The following ARL15 variants were observed in gnomAD, a reference collection of about 807,000 sequenced individuals.
ARL15 encodes ARF like GTPase 15.
A neutral mutation model predicts 25.2 loss-of-function variants in ARL15; 19 were observed. The ratio of observed to expected loss-of-function variants is 0.75; its 90% CI spans 0.53 to 1.10. The LOEUF (loss-of-function observed/expected upper bound fraction) is 1.10, where lower values mean the gene tolerates loss of function less well. ARL15 is among the 50% of genes least tolerant of loss of function. The pLI is 0.00. For synonymous variants in ARL15, 94 were observed against 86.8 expected (o/e 1.08, Z -0.46); for missense variants, 220 against 246.0 (o/e 0.89, Z 0.71).
intron 4 of ARL15, among the ~76,000 whole-genome samples, chr5:53,986,604 C>T (rs1251370818): frequency 6.6e-6 from 1 of 152,184 alleles, no homozygotes; most frequent in African/African-American, 2.4e-5. Context: ...TTGGCAAACA[C>T]TGAAGAATCA....
rs1209013538 is a variant in ARL15, at chr5:54,193,818, G to A, written c.49-21890C>T. Among the ~76,000 whole-genome samples, 3 of 150,030 alleles carry A rather than the reference G, an allele frequency of 2.0e-5. No homozygotes were observed. In the South Asian group the frequency reaches 6.3e-4, roughly 32 times the overall value. ...CTCAATAAATATTTGTTGATTTCCT[G>A]AAATAGCTCACATGGCTCTGTTATA... On this transcript the variant is annotated intron_variant, in intron 1 of 4. Transcript: ENST00000504924.
At chr5:54,194,569 T>C (rs139600074) in intron 1 of ARL15, among the ~76,000 whole-genome samples, 77 of 152,302 alleles carry the variant, frequency 5.1e-4, no homozygotes, top group African/African-American at 1.7e-3. Flanking sequence ...AAATGGCTGA[T>C]AGTTTTCAGC....
At chr5:54,121,767 A>G (rs935056551) in intron 3 of ARL15, among the ~76,000 whole-genome samples, 1 of 152,188 alleles carries the variant, frequency 6.6e-6, no homozygotes, top group African/African-American at 2.4e-5. Flanking sequence ...AAGTAACATG[A>G]AAACTCCGCT....
chr5:53,986,332 T>C lies in ARL15; in HGVS notation c.463-99619A>G, dbSNP rs1035639970. ...CAGCAAAAATAAACCAAAAAGGCAA[T>C]TGATAATTATTTTGGGAGAAATAAT... is the stretch of plus-strand genomic sequence containing the variant. On this transcript the variant is annotated intron_variant, in intron 4 of 4. Coordinates refer to ENST00000504924, the MANE Select transcript of ARL15 (RefSeq NM_019087.3). Among the ~76,000 whole-genome samples, 7 of 152,178 alleles carry C rather than the reference T, an allele frequency of 4.6e-5. No homozygotes were observed. The East Asian group carries it at 5.8e-4, about 13-fold the overall frequency.
chr5:54,201,314 C>A (rs1755716299), intron 1 of ARL15, among the ~76,000 whole-genome samples: 2 of 152,136 alleles, frequency 1.3e-5, no homozygotes, highest in African/African-American at 4.8e-5. Context: ...CCCACCACAT[C>A]ACCATGAAAG....
intron 4 of ARL15, among the ~76,000 whole-genome samples, chr5:53,983,659 T>G (rs570894387): frequency 6.6e-6 from 1 of 152,226 alleles, no homozygotes; most frequent in Non-Finnish European, 1.5e-5. Flanking sequence ...CAGCAAATCA[T>G]TTTTAATAGC....
intron 4 of ARL15, among the ~76,000 whole-genome samples, chr5:54,087,224 A>C (rs1751991112): frequency 6.6e-6 from 1 of 152,104 alleles, no homozygotes; most frequent in Non-Finnish European, 1.5e-5. Context: ...GCTACTCGGG[A>C]GGCTCAGGCA....
intron 4 of ARL15, among the ~76,000 whole-genome samples, chr5:53,952,325 T>C (rs1175018841): frequency 6.6e-6 from 1 of 152,128 alleles, no homozygotes; most frequent in Non-Finnish European, 1.5e-5. Flanking sequence ...GCACAGACAA[T>C]AACTGTTTTT....
rs187291048 is a variant in ARL15, at chr5:54,136,573, A to G, written c.253+18007T>C. ...CTGATCTTTTAACAGATTGTGAGGG[A>G]AAAAAAAACATACATTAAAAGAAGA... is the stretch of plus-strand genomic sequence containing the variant. On this transcript the variant is annotated intron_variant, in intron 3 of 4. Transcript: ENST00000504924. Among the ~76,000 whole-genome samples, 669 of 150,620 alleles carry G rather than the reference A, an allele frequency of 4.4e-3. 2 individuals are homozygous for G. Among genetic ancestry groups the G allele is most frequent in the African/African-American group, 0.011 (437 of 41,178 alleles).
At chr5:53,987,071 A>G (rs1748321131) in intron 4 of ARL15, among the ~76,000 whole-genome samples, 1 of 152,208 alleles carries the variant, frequency 6.6e-6, no homozygotes, top group African/African-American at 2.4e-5. Flanking sequence ...AGATGGCTGA[A>G]GGGAAGTCAG....
chr5:53,991,152 T>C (rs1262254943), intron 4 of ARL15, among the ~76,000 whole-genome samples: 2 of 152,200 alleles, frequency 1.3e-5, no homozygotes, highest in African/African-American at 4.8e-5. Flanking sequence ...GCATCTGTTA[T>C]ACTTGGTAGG....
chr5:54,232,336 A>G (rs1756693413), intron 1 of ARL15, among the ~76,000 whole-genome samples: 1 of 152,166 alleles, frequency 6.6e-6, no homozygotes, highest in South Asian at 2.1e-4. Flanking sequence ...CACTATTAAT[A>G]CATAGTGCTC....
At chr5:54,030,681 G>C (rs1749952612) in intron 4 of ARL15, among the ~76,000 whole-genome samples, 1 of 152,142 alleles carries the variant, frequency 6.6e-6, no homozygotes, top group South Asian at 2.1e-4. Context: ...ATAAAGGCAG[G>C]CAAACAAGCA....
intron 1 of ARL15, among the ~76,000 whole-genome samples, chr5:54,275,175 G>C (rs1434731619): frequency 6.6e-6 from 1 of 152,174 alleles, no homozygotes; most frequent in Non-Finnish European, 1.5e-5. Context: ...GCCTGACAAT[G>C]GCTACGGGCA....
chr5:53,884,101 G>A lies in ARL15; in HGVS notation c.*2460C>T, dbSNP rs1412850736. The A allele has an allele frequency of 1.3e-5, 2 of 152,086 alleles. No homozygotes were observed. The highest frequency in any genetic ancestry group is 1.3e-4 in the Admixed American group (2 of 15,264). 9.4% of individuals were successfully genotyped at this position (152,086 alleles called of 1,614,324 possible). A position where few individuals can be genotyped will look rare whatever the true frequency, so the allele number is the denominator to read the frequency against. On this transcript the variant is annotated 3_prime_UTR_variant, in exon 5 of 5. Coordinates refer to ENST00000504924, the MANE Select transcript of ARL15 (RefSeq NM_019087.3). The stretch of plus-strand genomic sequence containing the variant: ...AATAGAAAGACAGGGCAATATGGCA[G>A]TTAATTAGCAACCAATACTGTCAAC...
At chr5:54,088,721 A>G (rs1449276641) in intron 4 of ARL15, among the ~76,000 whole-genome samples, 1 of 152,236 alleles carries the variant, frequency 6.6e-6, no homozygotes, top group African/African-American at 2.4e-5. Flanking sequence ...GAGGCCTAGC[A>G]GAGTCCTTTT....
At chr5:54,092,383 C>T (rs746857725) in intron 4 of ARL15, among the ~76,000 whole-genome samples, 4 of 151,762 alleles carry the variant, frequency 2.6e-5, no homozygotes, top group African/African-American at 9.7e-5. Flanking sequence ...ATGGGTGAAA[C>T]AAGCACATAC....
At chr5:54,185,236 G>A (rs144939272) in intron 1 of ARL15, among the ~76,000 whole-genome samples, 37 of 152,194 alleles carry the variant, frequency 2.4e-4, no homozygotes, top group African/African-American at 8.7e-4. Flanking sequence ...CCGGCTCCAT[G>A]TCAGTAAAGG....
chr5:54,267,195 G>T (rs897083813), intron 1 of ARL15, among the ~76,000 whole-genome samples: 1 of 152,136 alleles, frequency 6.6e-6, no homozygotes, highest in Non-Finnish European at 1.5e-5. Flanking sequence ...AGATTCAAGC[G>T]ATTCTCCTGC....
Sources: gnomAD v4.1 joint callset for allele counts (sites outside exome capture counted in the v4.1 genomes callset) on GRCh38, gnomAD v4.1.1 for gene constraint, MANE v1.5 for transcripts, NCBI Gene and HGNC (gene_info 2026-07-23, HGNC 2026-07-21) for gene names.